Variants in ZDHHC14 observed in about 807,000 individuals in gnomAD.
The protein encoded by ZDHHC14 is palmitoyltransferase ZDHHC14.
ZDHHC14 carries 16 observed loss-of-function variants against 47.7 expected under a neutral mutation model. That is an observed-to-expected ratio of 0.34 (90% CI 0.23 to 0.51). The LOEUF is 0.51. Among genes scored for constraint, ZDHHC14 ranks in the 20% least tolerant of loss-of-function variants. The probability of loss-of-function intolerance (pLI) is 0.97; values close to 1 mark genes in which losing one functional copy is unlikely to be tolerated. For synonymous variants in ZDHHC14, 293 were observed against 278.9 expected (o/e 1.05, Z -0.50); for missense variants, 515 against 662.5 (o/e 0.78, Z 2.44).
intron 1 of ZDHHC14, among the ~76,000 whole-genome samples, chr6:157,411,160 A>AG (rs1777863339): frequency 6.6e-6 from 1 of 152,148 alleles, no homozygotes; most frequent in African/African-American, 2.4e-5. Flanking sequence ...GCTTAGGGTG[A>AG]GGTGGTAGGG....
At chr6:157,459,069 G>T (rs1019094232) in intron 1 of ZDHHC14, among the ~76,000 whole-genome samples, 2 of 151,748 alleles carry the variant, frequency 1.3e-5, no homozygotes, top group African/African-American at 4.8e-5. Flanking sequence ...TGGTCAGGCT[G>T]GTCTCAAGAT....
At chr6:157,642,462 C>G (rs965451883) in intron 5 of ZDHHC14, among the ~76,000 whole-genome samples, 2 of 152,176 alleles carry the variant, frequency 1.3e-5, no homozygotes, top group African/African-American at 4.8e-5. Flanking sequence ...CAGTGCTTGT[C>G]AGAGTTTTTC....
chr6:157,499,794 A>T (rs1195256365), intron 1 of ZDHHC14, among the ~76,000 whole-genome samples: 1 of 152,212 alleles, frequency 6.6e-6, no homozygotes, highest in Non-Finnish European at 1.5e-5. Flanking sequence ...AGAAGTAGGG[A>T]TGTGTTTGAA....
At chr6:157,441,291 C>T (rs900495013) in intron 1 of ZDHHC14, among the ~76,000 whole-genome samples, 2 of 152,212 alleles carry the variant, frequency 1.3e-5, no homozygotes, top group Non-Finnish European at 2.9e-5. Context: ...TCATTTGAGA[C>T]GAGAGCTCTT....
At chr6:157,556,497 G>C (rs1049083484) in intron 2 of ZDHHC14, among the ~76,000 whole-genome samples, 6 of 152,252 alleles carry the variant, frequency 3.9e-5, no homozygotes, top group African/African-American at 1.2e-4. Flanking sequence ...CTGAGCTCAT[G>C]CCCTCACTGT....
chr6:157,493,791 C>T (rs535599527), intron 1 of ZDHHC14, among the ~76,000 whole-genome samples: 16 of 152,242 alleles, frequency 1.1e-4, no homozygotes, highest in African/African-American at 2.9e-4. Context: ...GGAAGTAGGC[C>T]GGCACACACA....
rs1321768504 is a variant in ZDHHC14 at position 157,582,045 on chromosome 6, G to A, written c.407-10943G>A. Among the ~76,000 whole-genome samples the A allele has an allele frequency of 2.0e-5, 3 of 152,112 alleles. No homozygotes were observed. Among genetic ancestry groups the A allele is most frequent in the South Asian group, 2.1e-4 (1 of 4,818 alleles). On this transcript the variant is annotated intron_variant, in intron 2 of 8. Transcript: ENST00000359775. This position sits in a 1 kb window ranked among gnomAD's most constrained non-coding sequence, Gnocchi z 4.3. ...TGAGTAGCTGGAACTACAGGCACAC[G>A]CCACCATGCCTGGCTAATTTTTTGT... is the stretch of plus-strand genomic sequence containing the variant.
intron 3 of ZDHHC14, among the ~76,000 whole-genome samples, chr6:157,620,870 G>A (rs1785161309): frequency 6.6e-6 from 1 of 152,236 alleles, no homozygotes; most frequent in Admixed American, 6.5e-5. Context: ...GGGTTCCAAT[G>A]CTGACTCCTC....
intron 1 of ZDHHC14, among the ~76,000 whole-genome samples, chr6:157,485,688 T>TC (rs1248264215): frequency 1.3e-5 from 2 of 151,884 alleles, no homozygotes; most frequent in African/African-American, 4.8e-5. Context: ...TGATTTTTTT[T>TC]TTTTTTTGAA....
chr6:157,437,088 C>T (rs1778454806), intron 1 of ZDHHC14, among the ~76,000 whole-genome samples: 1 of 152,198 alleles, frequency 6.6e-6, no homozygotes, highest in South Asian at 2.1e-4. Context: ...CATAGCCCTA[C>T]CCTGGGACTG....
At chr6:157,521,119 G>A (rs1335245619) in intron 1 of ZDHHC14, among the ~76,000 whole-genome samples, 1 of 152,168 alleles carries the variant, frequency 6.6e-6, no homozygotes, top group Non-Finnish European at 1.5e-5. Flanking sequence ...ATTGAAAGCC[G>A]GCCTGGAGTA....
intron 3 of ZDHHC14, among the ~76,000 whole-genome samples, chr6:157,604,024 G>A (rs1197520469): frequency 1.3e-5 from 2 of 152,280 alleles, no homozygotes; most frequent in South Asian, 2.1e-4. Context: ...AAAAAATTAT[G>A]TCTGTACTGA....
At chr6:157,383,545 A>G (rs991547367) in intron 1 of ZDHHC14, among the ~76,000 whole-genome samples, 1 of 152,188 alleles carries the variant, frequency 6.6e-6, no homozygotes, top group Non-Finnish European at 1.5e-5. Context: ...TTGTCGCTCA[A>G]AGCCCTCTGA....
chr6:157,625,350 G>A (rs1251354755), intron 3 of ZDHHC14, among the ~76,000 whole-genome samples: 1 of 152,116 alleles, frequency 6.6e-6, no homozygotes, highest in Non-Finnish European at 1.5e-5. Context: ...GGGGAGGGAG[G>A]ACAGGATGTC....
At chr6:157,466,502 TG>T (rs1779220322) in intron 1 of ZDHHC14, among the ~76,000 whole-genome samples, 1 of 152,234 alleles carries the variant, frequency 6.6e-6, no homozygotes, top group Non-Finnish European at 1.5e-5. Context: ...TTGAATTAGT[TG>T]TAAAAACCAA....
At chr6:157,564,646 T>C (rs1225443914) in intron 2 of ZDHHC14, among the ~76,000 whole-genome samples, 1 of 152,250 alleles carries the variant, frequency 6.6e-6, no homozygotes, top group African/African-American at 2.4e-5. Flanking sequence ...GATCACAAGA[T>C]GCTTGCTAAG....
intron 1 of ZDHHC14, among the ~76,000 whole-genome samples, chr6:157,428,663 T>TG (rs995552221): frequency 1.0e-4 from 13 of 127,560 alleles, no homozygotes; most frequent in African/African-American, 3.5e-4. Flanking sequence ...CACAGGTGGC[T>TG]GGGGTCTCAG....
intron 1 of ZDHHC14, among the ~76,000 whole-genome samples, chr6:157,459,567 G>A (rs991310287): frequency 6.6e-6 from 1 of 152,182 alleles, no homozygotes; most frequent in East Asian, 1.9e-4. Context: ...TAAGGGAAGA[G>A]TTGGGGTTTC....
intron 1 of ZDHHC14, among the ~76,000 whole-genome samples, chr6:157,420,774 C>T (rs147538401): frequency 1.4e-3 from 206 of 152,338 alleles, no homozygotes; most frequent in Non-Finnish European, 2.4e-3. Context: ...ACATCAAGGA[C>T]GGATGGGAGC....
Sources: gnomAD v4.1 joint callset for allele counts (sites outside exome capture counted in the v4.1 genomes callset) on GRCh38, gnomAD v4.1.1 for gene constraint, Gnocchi (gnomAD v3.1) non-coding constraint, MANE v1.5 for transcripts, NCBI Gene and HGNC (gene_info 2026-07-23, HGNC 2026-07-21) for gene names.